PLEKHA7: variants seen among roughly 807,000 people sequenced by gnomAD.
The protein encoded by PLEKHA7 is pleckstrin homology domain-containing family A member 7.
In PLEKHA7, 104 loss-of-function variants were observed where a neutral mutation model predicts 170.0. That is an observed-to-expected ratio of 0.61 (90% CI 0.52 to 0.72). The LOEUF (loss-of-function observed/expected upper bound fraction) is 0.72. Ranked by LOEUF, PLEKHA7 falls within the 30% of genes least tolerant of loss-of-function variation. PLEKHA7 has a pLI of 0.00. For missense variants in PLEKHA7, 1,615 were observed against 1,671.7 expected (o/e 0.97, Z 0.59); for synonymous variants, 648 against 660.8 (o/e 0.98, Z 0.30).
intron 3 of PLEKHA7, among the ~76,000 whole-genome samples, chr11:16,998,902 G>C (rs1348902251): frequency 5.9e-5 from 9 of 151,412 alleles, no homozygotes; most frequent in Non-Finnish European, 1.3e-4. Context: ...TCTCTTCCCT[G>C]GGACTCTGAC....
chr11:16,970,662 A>T (rs1226027911), intron 3 of PLEKHA7, among the ~76,000 whole-genome samples: 1 of 152,020 alleles, frequency 6.6e-6, no homozygotes, highest in African/African-American at 2.4e-5. Flanking sequence ...TCGAGACTCC[A>T]TCTCAAAAAA....
At chr11:16,888,931 T>C (rs1565075434) in intron 3 of PLEKHA7, among the ~76,000 whole-genome samples, 4 of 141,530 alleles carry the variant, frequency 2.8e-5, no homozygotes, top group Middle Eastern at 7.4e-3. Flanking sequence ...ACCCTGTCTC[T>C]ACTAAAAATT....
At chr11:16,837,277 T>C (rs1851592005) in intron 9 of PLEKHA7, among the ~76,000 whole-genome samples, 1 of 152,268 alleles carries the variant, frequency 6.6e-6, no homozygotes, top group Admixed American at 6.5e-5. Flanking sequence ...GAGGAGCCCT[T>C]CCAACACCAA....
chr11:17,006,728 G>A (rs1865022621), intron 3 of PLEKHA7, among the ~76,000 whole-genome samples: 1 of 152,284 alleles, frequency 6.6e-6, no homozygotes, highest in Non-Finnish European at 1.5e-5. Flanking sequence ...ATCTAGGGAG[G>A]AAAATATAGA....
intron 3 of PLEKHA7, among the ~76,000 whole-genome samples, chr11:16,902,252 C>G (rs12364529): frequency 8.5e-5 from 13 of 152,254 alleles, no homozygotes; most frequent in African/African-American, 3.1e-4. Flanking sequence ...CATCAGTTGA[C>G]GGACTTTGGG....
intron 24 of PLEKHA7, among the ~76,000 whole-genome samples, chr11:16,784,399 ATAAT>A (rs1364223336): frequency 2.6e-5 from 4 of 152,218 alleles, no homozygotes; most frequent in East Asian, 1.9e-4. Flanking sequence ...GAATGGATGG[ATAAT>A]GGATAAATGG....
intron 4 of PLEKHA7, among the ~76,000 whole-genome samples, chr11:16,862,313 C>T (rs1015453505): frequency 1.3e-5 from 2 of 152,182 alleles, no homozygotes; most frequent in African/African-American, 2.4e-5. Flanking sequence ...TTCCCCAAAT[C>T]GGAGTATTGC....
chr11:16,808,130 G>A (rs1208684489), intron 13 of PLEKHA7, among the ~76,000 whole-genome samples: 5 of 152,186 alleles, frequency 3.3e-5, no homozygotes, highest in Admixed American at 2.6e-4. Flanking sequence ...CACATTTTGA[G>A]AGCCGCTACT....
chr11:16,983,179 A>G (rs1863541213), intron 3 of PLEKHA7, among the ~76,000 whole-genome samples: 1 of 152,176 alleles, frequency 6.6e-6, no homozygotes, highest in Non-Finnish European at 1.5e-5. Context: ...ACCAAAAGCA[A>G]TGGGGGAAGT....
chr11:16,800,384 T>G (rs1842745318), intron 17 of PLEKHA7, among the ~76,000 whole-genome samples: 1 of 152,198 alleles, frequency 6.6e-6, no homozygotes, highest in African/African-American at 2.4e-5. Context: ...TAGGGTGGCC[T>G]GATTTTTTAA....
intron 3 of PLEKHA7, among the ~76,000 whole-genome samples, chr11:16,998,014 G>A (rs1287191932): frequency 6.6e-6 from 1 of 152,150 alleles, no homozygotes; most frequent in Admixed American, 6.5e-5. Flanking sequence ...CCTTACACCT[G>A]TGCATCCAAT....
chr11:16,879,586 T>C (rs114881084), intron 3 of PLEKHA7, among the ~76,000 whole-genome samples: 2,365 of 152,274 alleles, frequency 0.016, 61 homozygotes, highest in African/African-American at 0.054. Context: ...ATGGAAACCC[T>C]GTCCAACTCC....
At chr11:16,875,097 A>C (rs1855173582) in intron 3 of PLEKHA7, among the ~76,000 whole-genome samples, 1 of 152,258 alleles carries the variant, frequency 6.6e-6, no homozygotes, top group South Asian at 2.1e-4. Flanking sequence ...ACCTAGAGAC[A>C]GTTCTTCAAA....
At chr11:16,853,805 A>G (rs1487570573) in intron 6 of PLEKHA7, among the ~76,000 whole-genome samples, 1 of 152,190 alleles carries the variant, frequency 6.6e-6, no homozygotes, top group African/African-American at 2.4e-5. Context: ...TGTCCAACAG[A>G]AGAGGCCGGG....
At chr11:16,935,468 T>C (rs1860222751) in intron 3 of PLEKHA7, among the ~76,000 whole-genome samples, 5 of 152,116 alleles carry the variant, frequency 3.3e-5, no homozygotes, top group Admixed American at 3.3e-4. Flanking sequence ...TGGGGAGGGG[T>C]AAAGGCATGT....
chr11:16,787,062 T>C, intron 23 of PLEKHA7: 2 of 985,446 alleles, frequency 2.0e-6, no homozygotes, highest in Non-Finnish European at 1.2e-6. Context: ...CTAAGGCTGT[T>C]TCACAGTATC....
chr11:16,968,970 C>A (rs538872441), intron 3 of PLEKHA7, among the ~76,000 whole-genome samples: 1 of 152,140 alleles, frequency 6.6e-6, no homozygotes, highest in Non-Finnish European at 1.5e-5. Context: ...CATTTAGGGC[C>A]TCAGTAAAAA....
chr11:16,955,802 CT>C (rs1256355946), intron 3 of PLEKHA7, among the ~76,000 whole-genome samples: 1 of 152,036 alleles, frequency 6.6e-6, no homozygotes, highest in East Asian at 1.9e-4. Flanking sequence ...TTAAGGCAGG[CT>C]TAGTAAAACC....
At chr11:16,866,621 T>A (rs550524144) in intron 4 of PLEKHA7, among the ~76,000 whole-genome samples, 1 of 151,918 alleles carries the variant, frequency 6.6e-6, no homozygotes, top group South Asian at 2.1e-4. Context: ...CAGAGCAGAG[T>A]CCATCAGGTG....
Sources: allele counts gnomAD v4.1 joint callset (sites outside exome capture counted in the v4.1 genomes callset), GRCh38; gene constraint gnomAD v4.1.1; transcripts MANE v1.5; gene names NCBI Gene and HGNC (gene_info 2026-07-23, HGNC 2026-07-21).